TRHDE: variants seen among roughly 807,000 people sequenced by gnomAD.
The protein encoded by TRHDE is thyrotropin releasing hormone degrading enzyme.
In TRHDE, 72 loss-of-function variants were observed where a neutral mutation model predicts 125.7. The ratio of observed to expected loss-of-function variants is 0.57; its 90% CI spans 0.47 to 0.70. The LOEUF (loss-of-function observed/expected upper bound fraction) is 0.70. TRHDE is among the 30% of genes least tolerant of loss of function. TRHDE has a pLI of 0.00. For synonymous variants in TRHDE, 509 were observed against 509.1 expected, an observed-to-expected ratio of 1.00 and a Z score of 0.00; for missense variants, 1,110 against 1,327.1, an observed-to-expected ratio of 0.84 and a Z score of 2.54.
intron 6 of TRHDE, among the ~76,000 whole-genome samples, chr12:72,529,767 A>T (rs1398744923): frequency 6.6e-6 from 1 of 152,194 alleles, no homozygotes; most frequent in Non-Finnish European, 1.5e-5. Flanking sequence ...TCAATTTATC[A>T]TTCTTCCACA....
intron 5 of TRHDE, among the ~76,000 whole-genome samples, chr12:72,487,366 AAG>A (rs766993306): frequency 3.3e-5 from 5 of 152,180 alleles, no homozygotes; most frequent in African/African-American, 7.2e-5. Flanking sequence ...GTGAAAGACA[AAG>A]AGAATATTTT....
chr12:72,654,082 G>C (rs1411684759), intron 17 of TRHDE, among the ~76,000 whole-genome samples: 4 of 152,058 alleles, frequency 2.6e-5, no homozygotes, highest in Non-Finnish European at 4.4e-5. Flanking sequence ...GACGATTAAA[G>C]CTTGCTTTGC....
intron 2 of TRHDE, among the ~76,000 whole-genome samples, chr12:72,259,162 T>G (rs1304719589): frequency 6.6e-6 from 1 of 152,190 alleles, no homozygotes; most frequent in Non-Finnish European, 1.5e-5. Context: ...CATTCTAATT[T>G]AAGAAATAAT....
At chr12:72,221,572 G>T (rs942303914) in intron 2 of TRHDE, among the ~76,000 whole-genome samples, 2 of 152,008 alleles carry the variant, frequency 1.3e-5, no homozygotes, top group Non-Finnish European at 2.9e-5. Context: ...TGTAGAAAAG[G>T]TGCAGAACTA....
chr12:72,516,273 T>C (rs1878855729), intron 6 of TRHDE, among the ~76,000 whole-genome samples: 1 of 152,130 alleles, frequency 6.6e-6, no homozygotes, highest in Non-Finnish European at 1.5e-5. Flanking sequence ...TTCCTACCCA[T>C]GAGCATGGAA....
chr12:72,598,944 C>G (rs909187901), intron 12 of TRHDE, among the ~76,000 whole-genome samples: 1 of 151,968 alleles, frequency 6.6e-6, no homozygotes, highest in Non-Finnish European at 1.5e-5. Context: ...CCATGAGTAC[C>G]TATTGTTTAG....
intron 3 of TRHDE, among the ~76,000 whole-genome samples, chr12:72,463,028 C>T (rs1461830364): frequency 4.6e-5 from 7 of 152,314 alleles, no homozygotes; most frequent in African/African-American, 1.7e-4. Flanking sequence ...AGAATTTATT[C>T]TGTTCTGAAA....
At chr12:72,306,749 G>A (rs1271814592) in intron 2 of TRHDE, 1 of 152,106 alleles carries the variant, frequency 6.6e-6, no homozygotes, top group Non-Finnish European at 1.5e-5. Context: ...AGTGGGGTGA[G>A]TTTGACAAAA....
chr12:72,257,889 G>C (rs560170238), intron 2 of TRHDE: 1 of 152,226 alleles, frequency 6.6e-6, no homozygotes, highest in South Asian at 2.1e-4. Flanking sequence ...GAATACTTTA[G>C]ATTATAGGAG....
At chr12:72,129,605 AT>A (rs1875814170) in intron 2 of TRHDE, among the ~76,000 whole-genome samples, 1 of 152,246 alleles carries the variant, frequency 6.6e-6, no homozygotes, top group Non-Finnish European at 1.5e-5. Context: ...CTTTGGATAC[AT>A]TTTACTTTAT....
At chr12:72,144,046 T>A (rs1237756208) in intron 2 of TRHDE, among the ~76,000 whole-genome samples, 1 of 152,228 alleles carries the variant, frequency 6.6e-6, no homozygotes. Context: ...AGGTTCCTAG[T>A]GCCAGTAGTT....
intron 18 of TRHDE, 144 bp downstream of exon 18, chr12:72,657,152 G>C: frequency 1.7e-6 from 1 of 591,464 alleles, no homozygotes; most frequent in Non-Finnish European, 3.0e-6. Flanking sequence ...ACACGTTAAA[G>C]ACTACTCAAT....
chr12:72,102,898 C>A (rs1452299349), intron 1 of TRHDE, among the ~76,000 whole-genome samples: 1 of 152,356 alleles, frequency 6.6e-6, no homozygotes, highest in Non-Finnish European at 1.5e-5. Context: ...AGAGAACCAC[C>A]TGCTCACCGA....
chr12:72,090,119 A>G (rs1000679672), intron 1 of TRHDE, among the ~76,000 whole-genome samples: 16 of 152,252 alleles, frequency 1.1e-4, no homozygotes, highest in Admixed American at 3.3e-4. Flanking sequence ...TGGCAAGTGG[A>G]TTGTGACCCA....
intron 2 of TRHDE, among the ~76,000 whole-genome samples, chr12:72,291,908 T>C (rs777170177): frequency 3.9e-5 from 6 of 152,264 alleles, no homozygotes; most frequent in Non-Finnish European, 8.8e-5. Flanking sequence ...CTCAGCTTGC[T>C]TCCTACCACT....
intron 2 of TRHDE, among the ~76,000 whole-genome samples, chr12:72,189,409 C>G (rs1232864977): frequency 6.6e-6 from 1 of 152,164 alleles, no homozygotes; most frequent in Non-Finnish European, 1.5e-5. Flanking sequence ...AATACCAACC[C>G]TCCAACTTTC....
At chr12:72,467,231 C>T (rs140717305) in intron 3 of TRHDE, among the ~76,000 whole-genome samples, 1,728 of 151,692 alleles carry the variant, frequency 0.011, 32 homozygotes, top group African/African-American at 0.04. Flanking sequence ...TATCCCTCCC[C>T]ACTCCCCCCA....
intron 1 of TRHDE, among the ~76,000 whole-genome samples, chr12:72,279,528 A>G (rs562546309): frequency 1.3e-5 from 2 of 152,332 alleles, no homozygotes; most frequent in Admixed American, 1.3e-4. Flanking sequence ...AGGAGACTGC[A>G]TACTTTCTCC....
intron 2 of TRHDE, among the ~76,000 whole-genome samples, chr12:72,176,214 C>G (rs1057088118): frequency 6.6e-6 from 1 of 152,112 alleles, no homozygotes; most frequent in African/African-American, 2.4e-5. Flanking sequence ...AGGCCAAACT[C>G]CCCCAAATTA....
Sources: allele counts gnomAD v4.1 joint callset (sites outside exome capture counted in the v4.1 genomes callset), GRCh38; gene constraint gnomAD v4.1.1; transcripts MANE v1.5; gene names NCBI Gene and HGNC (gene_info 2026-07-23, HGNC 2026-07-21).